The following AGAP1 variants were observed in gnomAD, a reference collection of about 807,000 sequenced individuals.
AGAP1 encodes ArfGAP with GTPase domain, ankyrin repeat and PH domain 1.
In AGAP1, 29 loss-of-function variants were observed where a neutral mutation model predicts 105.3. The ratio of observed to expected loss-of-function variants is 0.28; its 90% CI spans 0.21 to 0.38. AGAP1 has a LOEUF of 0.38. AGAP1 is among the 10% of genes least tolerant of loss of function. The probability of loss-of-function intolerance (pLI) is 1.00; values close to 1 mark genes in which losing one functional copy is unlikely to be tolerated. For synonymous variants in AGAP1, 509 were observed against 485.9 expected, an observed-to-expected ratio of 1.05 and a Z score of -0.63; for missense variants, 998 against 1,165.1, an observed-to-expected ratio of 0.86 and a Z score of 2.09.
At chr2:235,894,031 C>G (rs1575717609) in intron 10 of AGAP1, among the ~76,000 whole-genome samples, 1 of 152,238 alleles carries the variant, frequency 6.6e-6, no homozygotes, top group East Asian at 1.9e-4. Context: ...GCTGCAAAAT[C>G]TAAACACATC....
intron 16 of AGAP1, among the ~76,000 whole-genome samples, chr2:236,097,632 C>T (rs1382780145): frequency 1.3e-5 from 2 of 151,904 alleles, no homozygotes; most frequent in Non-Finnish European, 2.9e-5. Flanking sequence ...CAGTGTCTCA[C>T]GCCTGTAATG....
intron 1 of AGAP1, among the ~76,000 whole-genome samples, chr2:235,687,665 C>T (rs1029639765): frequency 3.3e-5 from 5 of 152,050 alleles, no homozygotes; most frequent in Admixed American, 6.5e-5. Context: ...TGTCCGTTTC[C>T]AAAATACACA....
Position 235,635,456 on chromosome 2 carries a change from G to A in AGAP1, c.164-73723G>A, listed in dbSNP as rs368903091. 1.4e-4 allele frequency among the ~76,000 whole-genome samples: 22 copies of A among 152,114 alleles called. No individual in the cohort carries two copies. Among genetic ancestry groups the A allele is most frequent in the Non-Finnish European group, 2.6e-4 (18 of 68,024 alleles). On this transcript the variant is annotated intron_variant, in intron 1 of 17. Transcript: ENST00000304032. The surrounding 1 kb of genome is among the most constrained non-coding windows in gnomAD (Gnocchi z 5.3). Reference sequence around the variant, plus strand: ...ATTACTCTGAAAATTTGTCATTTTGGTGTGGTGAATTCGTTCTTTTATTCA... The same window carrying A: ...ATTACTCTGAAAATTTGTCATTTTGATGTGGTGAATTCGTTCTTTTATTCA...
intron 3 of AGAP1, among the ~76,000 whole-genome samples, chr2:235,722,681 A>G (rs1232295335): frequency 1.3e-5 from 2 of 152,100 alleles, no homozygotes; most frequent in East Asian, 1.9e-4. Flanking sequence ...AAGACCCTCT[A>G]TCCAGGTGAG....
chr2:235,634,418 G>C (rs74322960), intron 1 of AGAP1, among the ~76,000 whole-genome samples: 6 of 152,312 alleles, frequency 3.9e-5, no homozygotes, highest in Non-Finnish European at 7.3e-5. Context: ...GTTCCCAAGG[G>C]CATCCCTGAG....
In AGAP1 at chr2:236,092,478, C is replaced by T. The variant is rs1258812226; in HGVS notation, c.2115-27714C>T. On this transcript the variant is annotated intron_variant, in intron 16 of 17. Coordinates refer to ENST00000304032, the MANE Select transcript of AGAP1 (RefSeq NM_001037131.3). This position sits in a 1 kb window ranked among gnomAD's most constrained non-coding sequence, Gnocchi z 4.7. The stretch of plus-strand genomic sequence containing the variant: ...TGCAGTCTCGTCTCACTGCAACCTC[C>T]GCCTCCCGGGTTCAAGCAATTCTCC... Among the ~76,000 whole-genome samples the T allele has an allele frequency of 1.3e-5, 2 of 152,096 alleles. No homozygotes were observed. The highest frequency in any genetic ancestry group is 2.9e-5 in the Non-Finnish European group (2 of 68,012).
intron 9 of AGAP1, among the ~76,000 whole-genome samples, chr2:235,851,263 G>A (rs754501367): frequency 3.9e-5 from 6 of 152,210 alleles, no homozygotes; most frequent in Admixed American, 2.0e-4. Context: ...CCCACCTGGC[G>A]CTCCTGCTGC....
intron 13 of AGAP1, among the ~76,000 whole-genome samples, chr2:236,022,372 CAG>C (rs1267929218): frequency 6.6e-6 from 1 of 152,178 alleles, no homozygotes; most frequent in Non-Finnish European, 1.5e-5. Flanking sequence ...TGACCAAATT[CAG>C]AGTTTCCAAA....
intron 8 of AGAP1, 63 bp from the exon 9 acceptor site, chr2:235,807,176 G>T: frequency 6.6e-7 from 1 of 1,520,544 alleles, no homozygotes; most frequent in Non-Finnish European, 9.0e-7. Context: ...TGCAAACAGG[G>T]GCAGAGCCCC....
At position 235,826,094 on chromosome 2, in the gene AGAP1, G is replaced by A. The variant is rs139704663; in HGVS notation, c.1050+18763G>A. On this transcript the variant is annotated intron_variant, in intron 9 of 17. Coordinates refer to ENST00000304032, the MANE Select transcript of AGAP1 (RefSeq NM_001037131.3). ...GTGTGCGAAACCATGCTAACGTGGC[G>A]CCATGCCCTGTGATGAAAGAGCCAC... 8.8e-4 allele frequency among the ~76,000 whole-genome samples: 134 copies of A among 152,272 alleles called. 2 individuals are homozygous for A. The East Asian group carries it at 0.02, about 23-fold the overall frequency.
In AGAP1 at chr2:235,891,448, C is replaced by T. The variant is rs774891074; in HGVS notation, c.1155+7999C>T. Among the ~76,000 whole-genome samples, 1 of 152,132 alleles carries T rather than the reference C, an allele frequency of 6.6e-6. No homozygotes were observed. Among genetic ancestry groups the T allele is most frequent in the South Asian group, 2.1e-4 (1 of 4,812 alleles). On this transcript the variant is annotated intron_variant, in intron 10 of 17. Coordinates refer to ENST00000304032, the MANE Select transcript of AGAP1 (RefSeq NM_001037131.3). The surrounding 1 kb of genome is among the most constrained non-coding windows in gnomAD (Gnocchi z 4.2). Reference sequence around the variant, plus strand: ...GATCACAGTTCAGGTGGATCGAGGGCAGCCTGTTCTAAGACCCTGAGAGTC... The same window carrying T: ...GATCACAGTTCAGGTGGATCGAGGGTAGCCTGTTCTAAGACCCTGAGAGTC...
At chr2:235,844,339 A>T (rs945221251) in intron 9 of AGAP1, among the ~76,000 whole-genome samples, 13 of 152,192 alleles carry the variant, frequency 8.5e-5, no homozygotes, top group African/African-American at 3.1e-4. Flanking sequence ...GCTCCCACCC[A>T]CAGGGGCAGC....
Position 235,949,491 on chromosome 2 carries a change from C to T in AGAP1, c.1483+18568C>T, listed in dbSNP as rs552910602. 5.3e-5 allele frequency among the ~76,000 whole-genome samples: 8 copies of T among 152,258 alleles called. No homozygotes were observed. In the South Asian group the frequency reaches 8.3e-4, roughly 16 times the overall value. ...CACCTCTCCGCCTGTTCTTCTGCAC[C>T]GTGTCTCCGGATCATCATCTTAGTC... On this transcript the variant is annotated intron_variant, in intron 12 of 17. Coordinates refer to ENST00000304032, the MANE Select transcript of AGAP1 (RefSeq NM_001037131.3).
At chr2:235,773,299 G>T (rs544366053) in intron 6 of AGAP1, among the ~76,000 whole-genome samples, 174 of 152,272 alleles carry the variant, frequency 1.1e-3, no homozygotes, top group Non-Finnish European at 1.8e-3. Flanking sequence ...ATCCAAGGTG[G>T]AAGTGAGGTT....
chr2:235,763,073 C>G (rs748253021), intron 6 of AGAP1, among the ~76,000 whole-genome samples: 1 of 148,772 alleles, frequency 6.7e-6, no homozygotes, highest in African/African-American at 2.6e-5. Context: ...CGCGCGCACA[C>G]GTGCACCTGC....
intron 1 of AGAP1, among the ~76,000 whole-genome samples, chr2:235,602,320 A>G (rs1203515576): frequency 2.6e-5 from 4 of 151,282 alleles, no homozygotes; most frequent in African/African-American, 9.7e-5. Flanking sequence ...TGGTTGTGAC[A>G]GAGATCTACA....
rs1377517493 is a variant in AGAP1 at position 235,906,296 on chromosome 2, C to G, written c.1156-2442C>G. On this transcript the variant is annotated intron_variant, in intron 10 of 17. Transcript: ENST00000304032. The surrounding 1 kb of genome is among the most constrained non-coding windows in gnomAD (Gnocchi z 5.3). ...GGGGAATGCCCGGCCTTGCCCCTGC[C>G]TCTGAATTTGCCCCACTGTAGCACA... Among the ~76,000 whole-genome samples the G allele has an allele frequency of 2.0e-5, 3 of 152,214 alleles. No homozygotes were observed. Among genetic ancestry groups the G allele is most frequent in the African/African-American group, 7.2e-5 (3 of 41,460 alleles).
At chr2:235,834,849 G>T (rs1225195976) in intron 9 of AGAP1, among the ~76,000 whole-genome samples, 1 of 152,216 alleles carries the variant, frequency 6.6e-6, no homozygotes, top group Non-Finnish European at 1.5e-5. Context: ...GGGTCTAGTG[G>T]TGGAGGATGA....
At position 235,968,523 on chromosome 2, in the gene AGAP1, G is replaced by A; in HGVS notation, c.1545G>A (p.Lys515=). The A allele has an allele frequency of 6.3e-7, 1 of 1,593,200 alleles. No homozygotes were observed. ...GTATCTCCAGCACCACCAGCCCCAA[G>A]CTCGACCCGCCCCCCTCCCCTCACG... ...SPSISSTTSP[K]LDPPPSPHAN... Residue 515 remains lysine, a synonymous_variant, in exon 13 of 18, where the codon AAG becomes AAA. Transcript: ENST00000304032.
Sources: gnomAD v4.1 joint callset for allele counts (sites outside exome capture counted in the v4.1 genomes callset) on GRCh38, gnomAD v4.1.1 for gene constraint, Gnocchi (gnomAD v3.1) non-coding constraint, MANE v1.5 for transcripts, NCBI Gene and HGNC (gene_info 2026-07-23, HGNC 2026-07-21) for gene names.